TIAM1: variants seen among roughly 807,000 people sequenced by gnomAD.
TIAM1 encodes rho guanine nucleotide exchange factor TIAM1.
In TIAM1, 65 loss-of-function variants were observed where a neutral mutation model predicts 163.5. The ratio of observed to expected loss-of-function variants is 0.40; its 90% CI spans 0.33 to 0.49. The LOEUF is 0.49. Among genes scored for constraint, TIAM1 ranks in the 20% least tolerant of loss-of-function variants. TIAM1 has a pLI of 0.77. For synonymous variants in TIAM1, 833 were observed against 810.1 expected (o/e 1.03, Z -0.48); for missense variants, 1,789 against 2,044.7 (o/e 0.87, Z 2.41).
chr21:31,419,936 C>G (rs1458902939), intron 2 of TIAM1, among the ~76,000 whole-genome samples: 5 of 152,238 alleles, frequency 3.3e-5, no homozygotes, highest in Non-Finnish European at 7.4e-5. Flanking sequence ...GTGGTCCCAG[C>G]TACTTGGGAG....
At chr21:31,200,837 C>G (rs1569014653) in intron 12 of TIAM1, among the ~76,000 whole-genome samples, 1 of 152,274 alleles carries the variant, frequency 6.6e-6, no homozygotes, top group African/African-American at 2.4e-5. Context: ...TTGGTTGAAA[C>G]AGAGGTTTTG....
intron 2 of TIAM1, among the ~76,000 whole-genome samples, chr21:31,294,270 G>A (rs1417686931): frequency 6.6e-6 from 1 of 152,194 alleles, no homozygotes; most frequent in Admixed American, 6.5e-5. Flanking sequence ...GAACTGACAA[G>A]TCACATTTAA....
chr21:31,198,827 T>A (rs2250858), intron 12 of TIAM1, among the ~76,000 whole-genome samples: 164 of 152,224 alleles, frequency 1.1e-3, no homozygotes, highest in African/African-American at 3.7e-3. Context: ...TTTGCTGGTC[T>A]CAGACAACAA....
intron 1 of TIAM1, among the ~76,000 whole-genome samples, chr21:31,543,414 G>A (rs547904915): frequency 2.6e-5 from 4 of 152,354 alleles, no homozygotes; most frequent in Non-Finnish European, 4.4e-5. Flanking sequence ...CAGCAGCGCC[G>A]TGGGAGATGA....
rs977858518 is a variant in TIAM1 at position 31,423,243 on chromosome 21, C to T, written c.-369+40740G>A. Among the ~76,000 whole-genome samples the T allele has an allele frequency of 4.6e-5, 7 of 151,792 alleles. No individual in the cohort carries two copies. In the East Asian group the frequency reaches 5.9e-4, roughly 13 times the overall value. On this transcript the variant is annotated intron_variant, in intron 2 of 28. Coordinates refer to the TIAM1 transcript ENST00000286827. Reference sequence around the variant, plus strand: ...TCTCCCGAGTAGCTGGGACTACAGGCGCCCGCCACCACACCTGGCTAATTT... The same window carrying T: ...TCTCCCGAGTAGCTGGGACTACAGGTGCCCGCCACCACACCTGGCTAATTT...
intron 6 of TIAM1, among the ~76,000 whole-genome samples, chr21:31,231,956 G>A (rs1434337512): frequency 6.6e-6 from 1 of 151,884 alleles, no homozygotes; most frequent in Non-Finnish European, 1.5e-5. Context: ...AGGTTGTAGT[G>A]AGCTGAGATT....
chr21:31,538,928 C>A (rs1170195538), intron 1 of TIAM1, among the ~76,000 whole-genome samples: 1 of 152,168 alleles, frequency 6.6e-6, no homozygotes, highest in African/African-American at 2.4e-5. Context: ...ACCTACCATG[C>A]CTCCCGTAAT....
intron 2 of TIAM1, among the ~76,000 whole-genome samples, chr21:31,462,577 G>C (rs1410994204): frequency 6.6e-6 from 1 of 152,116 alleles, no homozygotes; most frequent in Non-Finnish European, 1.5e-5. Flanking sequence ...TCTAATACCA[G>C]GGAGGCATCA....
At chr21:31,522,293 G>C (rs951648126) in intron 1 of TIAM1, among the ~76,000 whole-genome samples, 53 of 151,594 alleles carry the variant, frequency 3.5e-4, no homozygotes, top group African/African-American at 1.3e-3. Flanking sequence ...GATCACCTGA[G>C]GTCAAAAGTT....
intron 2 of TIAM1, among the ~76,000 whole-genome samples, chr21:31,311,410 T>C (rs1472749821): frequency 1.3e-5 from 2 of 152,220 alleles, no homozygotes; most frequent in African/African-American, 4.8e-5. Context: ...ATGCCCACCA[T>C]GGGTTCCAGG....
chr21:31,173,532 A>AAGAG (rs57981769), intron 15 of TIAM1, among the ~76,000 whole-genome samples: 40,234 of 147,888 alleles, frequency 0.27, 6,084 homozygotes, highest in East Asian at 0.49. Context: ...GAGCGAGAGA[A>AAGAG]AGAGAGAGAG....
At chr21:31,187,607 T>C (rs113587493) in intron 13 of TIAM1, among the ~76,000 whole-genome samples, 2 of 152,308 alleles carry the variant, frequency 1.3e-5, no homozygotes, top group Admixed American at 6.5e-5. Context: ...AATTACACAT[T>C]ACAGAAACTG....
At chr21:31,455,325 TAAGG>T (rs2045052849) in intron 2 of TIAM1, among the ~76,000 whole-genome samples, 1 of 145,282 alleles carries the variant, frequency 6.9e-6, no homozygotes, top group South Asian at 2.2e-4. Context: ...GGCTAGAAAG[TAAGG>T]AAGTACTTAA....
intron 5 of TIAM1, among the ~76,000 whole-genome samples, chr21:31,246,336 G>A (rs2071500877): frequency 6.6e-6 from 1 of 152,104 alleles, no homozygotes; most frequent in Non-Finnish European, 1.5e-5. Context: ...TAATTGCACT[G>A]TGAAACTAAC....
intron 24 of TIAM1, 92 bp downstream of exon 24, chr21:31,130,798 T>C: frequency 8.2e-7 from 1 of 1,216,118 alleles, no homozygotes; most frequent in Non-Finnish European, 1.2e-6. Context: ...ATAAAAAGGC[T>C]CATACTGACA....
In TIAM1 at chr21:31,130,320, A is replaced by C; in HGVS notation, c.3943-5T>G. On this transcript the variant is annotated splice_region_variant and splice_polypyrimidine_tract_variant and intron_variant, in intron 24 of 27. Transcript: ENST00000541036. ...GGAAAGCCTGTGAGATCCTACCTGC[A>C]GAGGAGAAGGAACCAGCTGCATAAG... The C allele has an allele frequency of 6.2e-7, 1 of 1,611,722 alleles. No homozygotes were observed. The highest frequency in any genetic ancestry group is 8.5e-7 in the Non-Finnish European group (1 of 1,177,860).
chr21:31,326,845 G>A (rs1047279291), intron 2 of TIAM1, among the ~76,000 whole-genome samples: 1 of 152,194 alleles, frequency 6.6e-6, no homozygotes, highest in African/African-American at 2.4e-5. Flanking sequence ...GATGAAAAGA[G>A]GACCAGATGT....
chr21:31,300,654 AAGATTAT>A (rs982981854), intron 2 of TIAM1, among the ~76,000 whole-genome samples: 1 of 152,238 alleles, frequency 6.6e-6, no homozygotes, highest in African/African-American at 2.4e-5. Flanking sequence ...GTTTTTGCAA[AAGATTAT>A]TGTTGCTAAA....
rs182631126 is a variant in TIAM1 at position 31,255,538 on chromosome 21, T to C, written c.964-3349A>G. Among the ~76,000 whole-genome samples the C allele has an allele frequency of 2.5e-4, 38 of 152,144 alleles. 1 individual carries two copies. The highest frequency in any genetic ancestry group is 9.2e-4 in the African/African-American group (38 of 41,504). On this transcript the variant is annotated intron_variant, in intron 4 of 27. Coordinates refer to ENST00000541036, the MANE Select transcript of TIAM1 (RefSeq NM_001353694.2). ...ACTACCCACCTGAGAATCCTGATCC[T>C]CCCCCTATCCCAGAAGCACCTGTAA... is the stretch of plus-strand genomic sequence containing the variant.
Sources: gnomAD v4.1 joint callset for allele counts (sites outside exome capture counted in the v4.1 genomes callset) on GRCh38, gnomAD v4.1.1 for gene constraint, MANE v1.5 for transcripts, NCBI Gene and HGNC (gene_info 2026-07-23, HGNC 2026-07-21) for gene names.